GALNT18: variants seen among roughly 807,000 people sequenced by gnomAD.
The protein encoded by GALNT18 is polypeptide N-acetylgalactosaminyltransferase 18.
Under a neutral mutation model 69.5 loss-of-function variants are expected in GALNT18, and 44 were observed. That is an observed-to-expected ratio of 0.63 (90% CI 0.50 to 0.81). GALNT18 has a LOEUF of 0.81. Ranked by LOEUF, GALNT18 falls within the 40% of genes least tolerant of loss-of-function variation. The pLI is 0.00. For missense variants in GALNT18, 715 were observed against 810.0 expected, an observed-to-expected ratio of 0.88 and a Z score of 1.42; for synonymous variants, 364 against 318.2, an observed-to-expected ratio of 1.14 and a Z score of -1.53.
At chr11:11,615,656 T>C (rs79088424) in intron 1 of GALNT18, among the ~76,000 whole-genome samples, 2 of 151,366 alleles carry the variant, frequency 1.3e-5, no homozygotes, top group Non-Finnish European at 2.9e-5. Context: ...TATTTTCAAC[T>C]TTTTTTTTAA....
chr11:11,587,431 T>C lies in GALNT18; in HGVS notation c.235+33928A>G, dbSNP rs1185442249. Among the ~76,000 whole-genome samples, 1 of 152,174 alleles carries C rather than the reference T, an allele frequency of 6.6e-6. No individual in the cohort carries two copies. The highest frequency in any genetic ancestry group is 1.9e-4 in the East Asian group (1 of 5,202). ...AGGAATCCGTTACACACCAAATCAG[T>C]GAAGACTGCATCCCAGCTTTTCTGC... On this transcript the variant is annotated intron_variant, in intron 1 of 10. Transcript: ENST00000227756. The surrounding 1 kb of genome is among the most constrained non-coding windows in gnomAD (Gnocchi z 4.4).
chr11:11,587,011 A>T lies in GALNT18; in HGVS notation c.235+34348T>A, dbSNP rs1320317003. Among the ~76,000 whole-genome samples, 1 of 151,978 alleles carries T rather than the reference A, an allele frequency of 6.6e-6. No homozygotes were observed. Among genetic ancestry groups the T allele is most frequent in the African/African-American group, 2.4e-5 (1 of 41,368 alleles). ...CTCCAAATAAATAAATAAATAAATA[A>T]ATAAACTCAAATTTCCTCCCATTTT... On this transcript the variant is annotated intron_variant, in intron 1 of 10. Coordinates refer to ENST00000227756, the MANE Select transcript of GALNT18 (RefSeq NM_198516.3). This position sits in a 1 kb window ranked among gnomAD's most constrained non-coding sequence, Gnocchi z 4.4.
At chr11:11,272,943 T>C (rs12292874) in intron 10 of GALNT18, among the ~76,000 whole-genome samples, 20,214 of 152,160 alleles carry the variant, frequency 0.13, 1,845 homozygotes, top group Admixed American at 0.29. Flanking sequence ...CTCTACACAA[T>C]GGGGAAAGGA....
intron 10 of GALNT18, 105 bp downstream of exon 10, chr11:11,292,922 GTC>G (rs1325407176): frequency 2.2e-5 from 23 of 1,054,142 alleles, no homozygotes; most frequent in Non-Finnish European, 2.9e-5. Flanking sequence ...CTGCCAGTCT[GTC>G]TCTCCTTCCC....
intron 6 of GALNT18, among the ~76,000 whole-genome samples, chr11:11,370,412 G>C (rs747420469): frequency 9.2e-5 from 14 of 152,182 alleles, no homozygotes; most frequent in Non-Finnish European, 1.9e-4. Context: ...CTGTTTTGCT[G>C]ACGATCAGTG....
intron 10 of GALNT18, among the ~76,000 whole-genome samples, chr11:11,282,021 C>G (rs571479646): frequency 3.9e-4 from 60 of 152,162 alleles, no homozygotes; most frequent in African/African-American, 1.0e-3. Context: ...GACAGAGGGA[C>G]CAGGCCACCC....
In GALNT18 at chr11:11,590,709, G is replaced by C. The variant is rs114969098; in HGVS notation, c.235+30650C>G. Among the ~76,000 whole-genome samples, 744 of 152,264 alleles carry C rather than the reference G, an allele frequency of 4.9e-3. 2 individuals carry two copies. Among genetic ancestry groups the C allele is most frequent in the African/African-American group, 0.017 (717 of 41,550 alleles). On this transcript the variant is annotated intron_variant, in intron 1 of 10. Coordinates refer to ENST00000227756, the MANE Select transcript of GALNT18 (RefSeq NM_198516.3). This position sits in a 1 kb window ranked among gnomAD's most constrained non-coding sequence, Gnocchi z 4.4. ...CTCAATGACAGAACACATATACAAT[G>C]GTGGTCCCGTAAGATTACAATGGAG... is the stretch of plus-strand genomic sequence containing the variant.
chr11:11,292,964 C>T, intron 10 of GALNT18, 65 bp downstream of exon 10: 2 of 1,318,808 alleles, frequency 1.5e-6, no homozygotes, highest in Non-Finnish European at 2.0e-6. Context: ...CCTCCCTGGC[C>T]CCTGAGGCCA....
rs185112868 is a variant in GALNT18 at position 11,314,932 on chromosome 11, T to G, written c.1512+12154A>C. Among the ~76,000 whole-genome samples, 12 of 152,276 alleles carry G rather than the reference T, an allele frequency of 7.9e-5. 1 individual carries two copies. In the East Asian group the frequency reaches 2.1e-3, roughly 27 times the overall value. On this transcript the variant is annotated intron_variant, in intron 9 of 10. Coordinates refer to ENST00000227756, the MANE Select transcript of GALNT18 (RefSeq NM_198516.3). The surrounding 1 kb of genome is among the most constrained non-coding windows in gnomAD (Gnocchi z 5.2). ...CTATTGGTGGTGGGGCCTAGGGATA[T>G]CTTTACATGTTTGAGCCAAATGAGG...
intron 7 of GALNT18, among the ~76,000 whole-genome samples, chr11:11,335,400 C>A (rs538368507): frequency 1.6e-4 from 25 of 152,286 alleles, no homozygotes; most frequent in Non-Finnish European, 3.2e-4. Flanking sequence ...CTATAAATTT[C>A]ATCAAACCCA....
chr11:11,372,012 C>A lies in GALNT18; in HGVS notation c.1092+503G>T, dbSNP rs984589198. 6.6e-6 allele frequency among the ~76,000 whole-genome samples: 1 copy of A among 152,152 alleles called. No homozygotes were observed. The highest frequency in any genetic ancestry group is 2.4e-5 in the African/African-American group (1 of 41,432). ...GCTAGCACCTGGGATCAGAAAGCAG[C>A]CTGCAGTGAGCCTGGCTGCATCTTG... On this transcript the variant is annotated intron_variant, in intron 6 of 10. Transcript: ENST00000227756. This position sits in a 1 kb window ranked among gnomAD's most constrained non-coding sequence, Gnocchi z 4.9.
In GALNT18 at chr11:11,595,627, A is replaced by G. The variant is rs539786547; in HGVS notation, c.235+25732T>C. Among the ~76,000 whole-genome samples the G allele has an allele frequency of 6.6e-6, 1 of 152,294 alleles. No individual in the cohort carries two copies. The highest frequency in any genetic ancestry group is 6.5e-5 in the Admixed American group (1 of 15,298). ...TTGTGGTTTTGATTTACATTTCCCA[A>G]ATGGCTAATTATGTCCAGCATCCTT... On this transcript the variant is annotated intron_variant, in intron 1 of 10. Transcript: ENST00000227756. The surrounding 1 kb of genome is among the most constrained non-coding windows in gnomAD (Gnocchi z 5.2).
rs898581004 is a variant in GALNT18 at position 11,293,262 on chromosome 11, G to A, written c.1513-69C>T. On this transcript the variant is annotated intron_variant, in intron 9 of 10. Transcript: ENST00000227756. ...CCACGGAGACAGGAGCATAGGTGGTGATTCTTCCAGGCAGCTGGCAGAGAG... is the reference window on the plus strand; with the variant it reads ...CCACGGAGACAGGAGCATAGGTGGTAATTCTTCCAGGCAGCTGGCAGAGAG... 1.5e-5 allele frequency: 19 copies of A among 1,253,066 alleles called. No individual in the cohort carries two copies. The East Asian group carries it at 5.4e-4, about 36-fold the overall frequency. 77.6% of individuals were successfully genotyped at this position (1,253,066 alleles called of 1,614,324 possible).
chr11:11,551,448 T>C (rs1162597119), intron 1 of GALNT18, among the ~76,000 whole-genome samples: 1 of 152,184 alleles, frequency 6.6e-6, no homozygotes, highest in East Asian at 1.9e-4. Flanking sequence ...TCTGAAGTCA[T>C]GGAGCGGAAA....
At chr11:11,344,581 G>C (rs1363891166) in intron 6 of GALNT18, among the ~76,000 whole-genome samples, 1 of 152,116 alleles carries the variant, frequency 6.6e-6, no homozygotes, top group East Asian at 1.9e-4. Flanking sequence ...GTAGCATGTC[G>C]CACTTGAAAG....
At chr11:11,284,243 C>G (rs1381575378) in intron 10 of GALNT18, among the ~76,000 whole-genome samples, 1 of 152,194 alleles carries the variant, frequency 6.6e-6, no homozygotes, top group Non-Finnish European at 1.5e-5. Context: ...ATCTTTCTGC[C>G]TCAGTTTCCC....
chr11:11,296,324 A>G (rs1188946648), intron 9 of GALNT18, among the ~76,000 whole-genome samples: 1 of 152,154 alleles, frequency 6.6e-6, no homozygotes, highest in Non-Finnish European at 1.5e-5. Flanking sequence ...ATCCAGAAAG[A>G]CTGCCCTGAA....
At chr11:11,559,745 G>A (rs1268676879) in intron 1 of GALNT18, among the ~76,000 whole-genome samples, 1 of 150,920 alleles carries the variant, frequency 6.6e-6, no homozygotes, top group Non-Finnish European at 1.5e-5. Flanking sequence ...GGGTATGATG[G>A]GATGGGATGG....
chr11:11,345,299 A>G (rs888474544), intron 6 of GALNT18, among the ~76,000 whole-genome samples: 2 of 152,180 alleles, frequency 1.3e-5, no homozygotes, highest in African/African-American at 4.8e-5. Flanking sequence ...CCACTTCTGG[A>G]CCCTGCCCAG....
Sources: gnomAD v4.1 joint callset for allele counts (sites outside exome capture counted in the v4.1 genomes callset) on GRCh38, gnomAD v4.1.1 for gene constraint, Gnocchi (gnomAD v3.1) non-coding constraint, MANE v1.5 for transcripts, NCBI Gene and HGNC (gene_info 2026-07-23, HGNC 2026-07-21) for gene names.